DCTD: variants seen among roughly 807,000 people sequenced by gnomAD.
The protein encoded by DCTD is deoxycytidylate deaminase.
Under a neutral mutation model 21.0 loss-of-function variants are expected in DCTD, and 23 were observed. The observed-to-expected ratio is 1.09, with a 90% CI of 0.79 to 1.55. The LOEUF is 1.55. Ranked by LOEUF, DCTD falls within the 40% of genes most tolerant of loss-of-function variation. The probability of loss-of-function intolerance (pLI) is 0.00; values close to 1 mark genes in which losing one functional copy is unlikely to be tolerated. For missense variants in DCTD, 224 were observed against 230.0 expected, an observed-to-expected ratio of 0.97 and a Z score of 0.17; for synonymous variants, 71 against 81.1, an observed-to-expected ratio of 0.88 and a Z score of 0.67.
intron 3 of DCTD, among the ~76,000 whole-genome samples, chr4:182,910,582 T>C (rs1737503348): frequency 6.6e-6 from 1 of 152,216 alleles, no homozygotes; most frequent in African/African-American, 2.4e-5. Flanking sequence ...GTAAATTAGA[T>C]AAATCTGCTG....
Position 182,914,922 on chromosome 4 carries a change from C to T in DCTD, c.244+1G>A, listed in dbSNP as rs752532435. ...AGAATGGGACATAAAACTTGCCCTA[C>T]CGTACGGGTATTTGGTGTCCAGCTT... On this transcript the variant is annotated splice_donor_variant, in intron 3 of 5. Transcript: ENST00000438320. LOFTEE classifies it high-confidence loss of function. 3.2e-5 allele frequency: 52 copies of T among 1,614,084 alleles called. No homozygotes were observed. Among genetic ancestry groups the T allele is most frequent in the Non-Finnish European group, 4.1e-5 (48 of 1,180,042 alleles).
chr4:182,906,571 G>C (rs1467140470), intron 3 of DCTD, among the ~76,000 whole-genome samples: 1 of 152,210 alleles, frequency 6.6e-6, no homozygotes, highest in Non-Finnish European at 1.5e-5. Context: ...GATGACTCCA[G>C]AGATCATCCC....
chr4:182,908,779 A>C (rs1400925011), intron 3 of DCTD, among the ~76,000 whole-genome samples: 1 of 152,118 alleles, frequency 6.6e-6, no homozygotes, highest in Non-Finnish European at 1.5e-5. Flanking sequence ...TCAAATACTT[A>C]ACATAGCTGT....
intron 3 of DCTD, among the ~76,000 whole-genome samples, chr4:182,908,635 A>G (rs1737131765): frequency 7.2e-6 from 1 of 139,324 alleles, no homozygotes; most frequent in East Asian, 2.4e-4. Context: ...GTGAGCCAAG[A>G]TTGTGCCACT....
In DCTD at chr4:182,890,647, C is replaced by G. The variant is rs1733591436; in HGVS notation, c.*752G>C. The stretch of plus-strand genomic sequence containing the variant: ...AGAGACAGGCTGTCTCCTCTAGGAA[C>G]AACTCATTATTCAGCTAAACGAAAT... On this transcript the variant is annotated 3_prime_UTR_variant, in exon 6 of 6. Transcript: ENST00000438320. 1 of 152,238 alleles carries G rather than the reference C, an allele frequency of 6.6e-6. No individual in the cohort carries two copies. The allele number at this position is 152,238 out of a possible 1,614,324, so 9.4% of individuals were successfully genotyped here.
intron 3 of DCTD, among the ~76,000 whole-genome samples, chr4:182,898,015 C>A (rs938946959): frequency 2.6e-5 from 4 of 152,226 alleles, no homozygotes; most frequent in African/African-American, 9.6e-5. Flanking sequence ...AGGCCTCAGC[C>A]CCCAGACTGT....
At chr4:182,892,870 T>C (rs1243970639) in intron 5 of DCTD, among the ~76,000 whole-genome samples, 161 bp downstream of exon 5, 5 of 152,338 alleles carry the variant, frequency 3.3e-5, no homozygotes, top group African/African-American at 1.2e-4. Flanking sequence ...TGCTCTTAAA[T>C]ATCTACCCCT....
At chr4:182,901,137 G>A (rs373911766) in intron 3 of DCTD, among the ~76,000 whole-genome samples, 16 of 152,044 alleles carry the variant, frequency 1.1e-4, no homozygotes, top group African/African-American at 3.9e-4. Context: ...TATTTTAGAC[G>A]GTAGTATTAT....
Position 182,917,278 on chromosome 4 carries a change from G to A in DCTD, c.-8+33C>T, listed in dbSNP as rs1738906419. On this transcript the variant is annotated intron_variant, in intron 1 of 5. Coordinates refer to ENST00000438320, the MANE Select transcript of DCTD (RefSeq NM_001921.3). The surrounding 1 kb of genome is among the most constrained non-coding windows in gnomAD (Gnocchi z 4.9). ...ACGCGGCGGTGGCTAGGGGCGCGCG[G>A]GCCGCGTACCCGCACGGCTGGCCCC... 9.6e-7 allele frequency: 1 copy of A among 1,040,748 alleles called. No homozygotes were observed. The highest frequency in any genetic ancestry group is 1.2e-6 in the Non-Finnish European group (1 of 867,744). The allele number at this position is 1,040,748 out of a possible 1,614,324, so 64.5% of individuals were successfully genotyped here.
chr4:182,915,376 G>A (rs1314802099), intron 2 of DCTD, 85 bp downstream of exon 2: 10 of 934,028 alleles, frequency 1.1e-5, no homozygotes, highest in African/African-American at 3.2e-5. Context: ...GTTGACAGGC[G>A]TCCACTGAGT....
intron 3 of DCTD, among the ~76,000 whole-genome samples, chr4:182,911,844 T>C (rs1485450188): frequency 2.0e-5 from 3 of 152,200 alleles, no homozygotes; most frequent in Non-Finnish European, 2.9e-5. Flanking sequence ...TGATACGAAG[T>C]AGTTTTTGTC....
At chr4:182,916,973 TA>T (rs1488731734) in intron 1 of DCTD, 2 of 991,710 alleles carry the variant, frequency 2.0e-6, no homozygotes, top group Non-Finnish European at 2.4e-6. Flanking sequence ...ATCCAGGGCC[TA>T]CACCCGGCAT....
At position 182,893,154 on chromosome 4, in the gene DCTD, T is replaced by C. The variant is rs142893192; in HGVS notation, c.362-27A>G. 3.6e-4 allele frequency: 479 copies of C among 1,345,472 alleles called. 3 individuals are homozygous for C. The African/African-American group carries it at 6.0e-3, about 17-fold the overall frequency. 83.3% of individuals were successfully genotyped at this position (1,345,472 alleles called of 1,614,324 possible). On this transcript the variant is annotated intron_variant, in intron 4 of 5. Coordinates refer to ENST00000438320, the MANE Select transcript of DCTD (RefSeq NM_001921.3). ...TGTAAGGTAACAATGGGAGCTCCCT[T>C]AGTGTACGCACCTACAGATGCTGCA...
At position 182,891,275 on chromosome 4, in the gene DCTD, C is replaced by A; in HGVS notation, c.*124G>T. 1.4e-6 allele frequency: 1 copy of A among 707,662 alleles called. No individual in the cohort carries two copies. The allele number at this position is 707,662 out of a possible 1,614,324, so 43.8% of individuals were successfully genotyped here. A position where few individuals can be genotyped will look rare whatever the true frequency, so the allele number is the denominator to read the frequency against. On this transcript the variant is annotated 3_prime_UTR_variant, in exon 6 of 6. Coordinates refer to ENST00000438320, the MANE Select transcript of DCTD (RefSeq NM_001921.3). ...TAAGGAAGATTTGAGGCTTTATATT[C>A]TTTAGATGCCTACTTTTGCCATACT...
intron 3 of DCTD, among the ~76,000 whole-genome samples, chr4:182,906,841 A>G (rs1736804775): frequency 6.6e-6 from 1 of 152,232 alleles, no homozygotes; most frequent in South Asian, 2.1e-4. Context: ...CACAGAGAAA[A>G]TTTACACCTC....
At position 182,901,324 on chromosome 4, in the gene DCTD, G is replaced by A. The variant is rs993620609; in HGVS notation, c.245-6719C>T. Among the ~76,000 whole-genome samples, 28 of 152,282 alleles carry A rather than the reference G, an allele frequency of 1.8e-4. No individual in the cohort carries two copies. The South Asian group carries it at 5.0e-3, about 27-fold the overall frequency. On this transcript the variant is annotated intron_variant, in intron 3 of 5. Transcript: ENST00000438320. ...AAAATTTGGAGTCAGGAAAATGAAGGTTCTGATCTAGTTCTGAACTCTAGT... is the reference window on the plus strand; with the variant it reads ...AAAATTTGGAGTCAGGAAAATGAAGATTCTGATCTAGTTCTGAACTCTAGT...
chr4:182,901,896 T>C (rs1435445483), intron 3 of DCTD, among the ~76,000 whole-genome samples: 1 of 152,126 alleles, frequency 6.6e-6, no homozygotes, highest in Non-Finnish European at 1.5e-5. Flanking sequence ...TGGGGTCCTA[T>C]AGTTATCAGA....
chr4:182,895,020 G>A (rs908569662), intron 3 of DCTD, among the ~76,000 whole-genome samples: 1 of 152,252 alleles, frequency 6.6e-6, no homozygotes, highest in African/African-American at 2.4e-5. Context: ...ACGAAGCTGA[G>A]CGTGTCCATC....
At position 182,890,334 on chromosome 4, in the gene DCTD, G is replaced by A. The variant is rs7278; in HGVS notation, c.*1065C>T. On this transcript the variant is annotated 3_prime_UTR_variant, in exon 6 of 6. Transcript: ENST00000438320. ...GAAGGGGCACAGCCACACGCTCCCCGCCCCGCGGTGATTAGGAAGGTGATG... is the reference window on the plus strand; with the variant it reads ...GAAGGGGCACAGCCACACGCTCCCCACCCCGCGGTGATTAGGAAGGTGATG... The A allele has an allele frequency of 0.12, 18,853 of 152,228 alleles. 1,486 individuals carry two copies. The highest frequency in any genetic ancestry group is 0.21 in the South Asian group (1,030 of 4,812). 9.4% of individuals were successfully genotyped at this position (152,228 alleles called of 1,614,324 possible).
Sources: gnomAD v4.1 joint callset for allele counts (sites outside exome capture counted in the v4.1 genomes callset) on GRCh38, gnomAD v4.1.1 for gene constraint, Gnocchi (gnomAD v3.1) non-coding constraint, MANE v1.5 for transcripts, NCBI Gene and HGNC (gene_info 2026-07-23, HGNC 2026-07-21) for gene names.